LAMA1: variants seen among roughly 807,000 people sequenced by gnomAD.
LAMA1 encodes laminin subunit alpha 1.
In LAMA1, 219 loss-of-function variants were observed where a neutral mutation model predicts 348.7. The ratio of observed to expected loss-of-function variants is 0.63; its 90% CI spans 0.56 to 0.70. LAMA1 has a LOEUF of 0.70. Among genes scored for constraint, LAMA1 ranks in the 30% least tolerant of loss-of-function variants. LAMA1 has a pLI of 0.00. For missense variants in LAMA1, 3,744 were observed against 3,888.0 expected (o/e 0.96, Z 0.99); for synonymous variants, 1,487 against 1,491.0 (o/e 1.00, Z 0.06).
intron 56 of LAMA1, 180 bp downstream of exon 56, chr18:6,956,456 A>G: frequency 1.1e-6 from 1 of 943,300 alleles, no homozygotes; most frequent in South Asian, 1.3e-5. Context: ...GTGTCATCTG[A>G]GTTGCTTGAG....
At position 7,117,782 on chromosome 18, in the gene LAMA1, C is replaced by CGCGCGCCCGCCTGG; in HGVS notation, c.-63_-62insCCAGGCGGGCGCGC. 6.7e-7 allele frequency: 1 copy of CGCGCGCCCGCCTGG among 1,489,656 alleles called. No homozygotes were observed. Among genetic ancestry groups the CGCGCGCCCGCCTGG allele is most frequent in the Non-Finnish European group, 9.1e-7 (1 of 1,099,934 alleles). The allele number at this position is 1,489,656 out of a possible 1,614,324, so 92.3% of individuals were successfully genotyped here. On this transcript the variant is annotated 5_prime_UTR_variant, in exon 1 of 63. Transcript: ENST00000389658. ...AGCCGCGCGCCCGCCTGGAACGCTC[C>CGCGCGCCCGCCTGG]ACGGGACGCGAGTCCGCGCTGCCCT... is the stretch of plus-strand genomic sequence containing the variant.
At chr18:7,098,594 G>A (rs1598318889) in intron 1 of LAMA1, among the ~76,000 whole-genome samples, 1 of 150,750 alleles carries the variant, frequency 6.6e-6, no homozygotes, top group Non-Finnish European at 1.5e-5. Flanking sequence ...TCTGAGAAGT[G>A]AGGAGACCCT....
chr18:7,064,713 T>A (rs2143753103), intron 3 of LAMA1, among the ~76,000 whole-genome samples: 1 of 152,324 alleles, frequency 6.6e-6, no homozygotes, highest in Non-Finnish European at 1.5e-5. Flanking sequence ...TTCATCCCAC[T>A]AGAGACCTAC....
At chr18:6,996,022 A>G (rs572855494) in intron 33 of LAMA1, among the ~76,000 whole-genome samples, 1 of 152,152 alleles carries the variant, frequency 6.6e-6, no homozygotes, top group Non-Finnish European at 1.5e-5. Context: ...AATTTAAATC[A>G]AATATTTGTC....
intron 3 of LAMA1, among the ~76,000 whole-genome samples, chr18:7,057,723 C>A (rs1474800216): frequency 6.6e-5 from 10 of 151,694 alleles, no homozygotes; most frequent in African/African-American, 2.4e-4. Flanking sequence ...AAGTGATCCA[C>A]CCGCCTTGGC....
chr18:7,025,681 C>G (rs1307791138), intron 17 of LAMA1, among the ~76,000 whole-genome samples: 1 of 152,176 alleles, frequency 6.6e-6, no homozygotes, highest in Non-Finnish European at 1.5e-5. Flanking sequence ...CACCTCCTAG[C>G]CCACTGGTAA....
At chr18:6,977,982 C>T in intron 43 of LAMA1, 101 bp from the exon 44 acceptor site, 1 of 1,365,698 alleles carries the variant, frequency 7.3e-7, no homozygotes, top group Non-Finnish European at 1.0e-6. Flanking sequence ...AAACAACACC[C>T]TAACAATCAA....
Position 7,065,737 on chromosome 18 carries a change from C to T in LAMA1, c.345+14238G>A, listed in dbSNP as rs75083826. On this transcript the variant is annotated intron_variant, in intron 3 of 62. Coordinates refer to ENST00000389658, the MANE Select transcript of LAMA1 (RefSeq NM_005559.4). ...GTGAGACTCTGTCTCAAAAATCAGCCCAGTTGGCTGAACAGAAGCGAATAA... is the reference window on the plus strand; with the variant it reads ...GTGAGACTCTGTCTCAAAAATCAGCTCAGTTGGCTGAACAGAAGCGAATAA... Among the ~76,000 whole-genome samples the T allele has an allele frequency of 8.7e-3, 1,324 of 152,222 alleles. 18 individuals are homozygous for T. The highest frequency in any genetic ancestry group is 0.031 in the African/African-American group (1,279 of 41,538).
At chr18:7,021,837 A>ATTAT (rs2057918359) in intron 19 of LAMA1, among the ~76,000 whole-genome samples, 4 of 54,508 alleles carry the variant, frequency 7.3e-5, no homozygotes, top group Admixed American at 1.4e-4. Flanking sequence ...TAATATAATA[A>ATTAT]TATATTATAT....
Position 6,999,432 on chromosome 18 carries a change from G to C in LAMA1, c.4663+13C>G, listed in dbSNP as rs766686074. On this transcript the variant is annotated intron_variant, in intron 32 of 62. Coordinates refer to ENST00000389658, the MANE Select transcript of LAMA1 (RefSeq NM_005559.4). ...AAAAACCATCTTTACACATTTAGAGGAGAAATACTCACAAACACAATCTGT... is the reference window on the plus strand; with the variant it reads ...AAAAACCATCTTTACACATTTAGAGCAGAAATACTCACAAACACAATCTGT... 2.5e-6 allele frequency: 4 copies of C among 1,614,036 alleles called. No individual in the cohort carries two copies. In the South Asian group the frequency reaches 4.4e-5, roughly 18 times the overall value.
chr18:6,952,204 CGA>C (rs1568004194), intron 57 of LAMA1, among the ~76,000 whole-genome samples: 1 of 152,054 alleles, frequency 6.6e-6, no homozygotes, highest in African/African-American at 2.4e-5. Context: ...GAAGGCGGGC[CGA>C]GAGAGAGCAG....
chr18:6,987,935 A>G (rs998546074), intron 36 of LAMA1, among the ~76,000 whole-genome samples: 8 of 152,202 alleles, frequency 5.3e-5, no homozygotes, highest in Middle Eastern at 3.2e-3. Flanking sequence ...TTATTAAATA[A>G]GATATCTCTC....
At chr18:7,043,454 TACAAAGAAA>T in intron 7 of LAMA1, 49 bp from the exon 8 acceptor site, 1 of 1,512,632 alleles carries the variant, frequency 6.6e-7, no homozygotes, top group Non-Finnish European at 9.1e-7. Flanking sequence ...GCATGCCTTA[TACAAAGAAA>T]ACTCTTAACC....
chr18:7,010,192 A>G lies in LAMA1; in HGVS notation c.3873+8T>C, dbSNP rs781273053. ...TAAGGAACTTCTATGAAAAGATCCC[A>G]TTATCACCTCTCTCATTGCTACTTC... On this transcript the variant is annotated splice_region_variant and intron_variant, in intron 26 of 62. Transcript: ENST00000389658. 6.2e-7 allele frequency: 1 copy of G among 1,613,908 alleles called. No homozygotes were observed. Among genetic ancestry groups the G allele is most frequent in the East Asian group, 2.2e-5 (1 of 44,870 alleles).
At chr18:7,033,145 C>T (rs781107795) in intron 14 of LAMA1, 50 bp from the exon 15 acceptor site, 1 of 1,282,688 alleles carries the variant, frequency 7.8e-7, no homozygotes, top group South Asian at 1.3e-5. Flanking sequence ...AAATACATCT[C>T]ACATCTCAAT....
chr18:6,947,798 G>T (rs2057528948), intron 60 of LAMA1, among the ~76,000 whole-genome samples: 1 of 152,192 alleles, frequency 6.6e-6, no homozygotes, highest in Non-Finnish European at 1.5e-5. Context: ...AAGCCGAGGA[G>T]CCACACTGGG....
chr18:7,002,659 C>T (rs1354065444), intron 29 of LAMA1, among the ~76,000 whole-genome samples: 1 of 152,116 alleles, frequency 6.6e-6, no homozygotes, highest in East Asian at 1.9e-4. Context: ...GCCCTAAAAG[C>T]AGTTTGCAGA....
rs1568074224 is a variant in LAMA1, at chr18:7,112,638, TAC to T, written c.61+5020_61+5021del. Reference sequence around the variant, plus strand: ...CATATATGTATTTTATATATATATATACATTTTTTTTTTTTGAGACAGAGTTT... The same window carrying T: ...CATATATGTATTTTATATATATATATATTTTTTTTTTTTGAGACAGAGTTT... On this transcript the variant is annotated intron_variant, in intron 1 of 62. Transcript: ENST00000389658. Among the ~76,000 whole-genome samples, 51 of 102,358 alleles carry T rather than the reference TAC, an allele frequency of 5.0e-4. No individual in the cohort carries two copies. In the East Asian group the frequency reaches 0.017, roughly 34 times the overall value. 67.2% of individuals were successfully genotyped at this position (102,358 alleles called of 152,430 possible).
chr18:7,052,422 C>T (rs1267034915), intron 3 of LAMA1, among the ~76,000 whole-genome samples: 2 of 146,486 alleles, frequency 1.4e-5, no homozygotes, highest in Non-Finnish European at 3.0e-5. Context: ...CAGAGTGAGA[C>T]TCTGTATCAA....
Sources: gnomAD v4.1 joint callset for allele counts (sites outside exome capture counted in the v4.1 genomes callset) on GRCh38, gnomAD v4.1.1 for gene constraint, MANE v1.5 for transcripts, NCBI Gene and HGNC (gene_info 2026-07-23, HGNC 2026-07-21) for gene names.